The following SMAD2 variants were observed in gnomAD, a reference collection of about 807,000 sequenced individuals.
SMAD2 encodes MAD homolog 2.
SMAD2 carries 8 observed loss-of-function variants against 64.4 expected under a neutral mutation model. That is an observed-to-expected ratio of 0.12 (90% CI 0.07 to 0.22). The LOEUF (loss-of-function observed/expected upper bound fraction) is 0.22. Ranked by LOEUF, SMAD2 falls within the 10% of genes least tolerant of loss-of-function variation. The probability of loss-of-function intolerance (pLI) is 1.00; values close to 1 mark genes in which losing one functional copy is unlikely to be tolerated. For missense variants in SMAD2, 289 were observed against 561.2 expected, an observed-to-expected ratio of 0.51 and a Z score of 4.90; for synonymous variants, 203 against 195.8, an observed-to-expected ratio of 1.04 and a Z score of -0.31.
chr18:47,916,153 T>G (rs1257270748), intron 1 of SMAD2, among the ~76,000 whole-genome samples: 2 of 152,208 alleles, frequency 1.3e-5, no homozygotes, highest in African/African-American at 2.4e-5. Flanking sequence ...GAGTAAATAC[T>G]AACATTTTAC....
chr18:47,916,066 C>T (rs1482857026), intron 1 of SMAD2, among the ~76,000 whole-genome samples: 1 of 152,196 alleles, frequency 6.6e-6, no homozygotes, highest in African/African-American at 2.4e-5. Context: ...TGATGAATTT[C>T]ATTTACGAGT....
At chr18:47,915,360 A>G (rs1467529365) in intron 1 of SMAD2, among the ~76,000 whole-genome samples, 4 of 152,210 alleles carry the variant, frequency 2.6e-5, no homozygotes, top group African/African-American at 4.8e-5. Flanking sequence ...TGATACATAC[A>G]TAATCCTAAA....
chr18:47,879,495 CGTGT>C lies in SMAD2; in HGVS notation c.237-8935_237-8932del, dbSNP rs58440360. Among the ~76,000 whole-genome samples, 863 of 141,418 alleles carry C rather than the reference CGTGT, an allele frequency of 6.1e-3. 6 individuals carry two copies. Among genetic ancestry groups the C allele is most frequent in the Middle Eastern group, 0.017 (5 of 288 alleles). The allele number at this position is 141,418 out of a possible 152,430, so 92.8% of individuals were successfully genotyped here. A position where few individuals can be genotyped will look rare whatever the true frequency, so the allele number is the denominator to read the frequency against. Reference sequence around the variant, plus strand: ...GATTCATCCATGTTAATGTATATGACGTGTGTGTGTGTGTGTGTGTGTGTGTGTG... The same window carrying C: ...GATTCATCCATGTTAATGTATATGACGTGTGTGTGTGTGTGTGTGTGTGTG... On this transcript the variant is annotated intron_variant, in intron 2 of 10. Transcript: ENST00000262160.
chr18:47,846,212 ATCAAAAAG>A (rs1914475094), intron 8 of SMAD2, among the ~76,000 whole-genome samples: 1 of 152,190 alleles, frequency 6.6e-6, no homozygotes, highest in Non-Finnish European at 1.5e-5. Context: ...ATGTAAAAAC[ATCAAAAAG>A]TCATTTGCCA....
In SMAD2 at chr18:47,860,027, C is replaced by G. The variant is rs563727080; in HGVS notation, c.730+5032G>C. ...GCATGTACCTGTGGTCCCAGCTTCT[C>G]GAGAGGCTAAAGTGGGGAAGATTGC... On this transcript the variant is annotated intron_variant, in intron 6 of 10. Transcript: ENST00000262160. 1.4e-4 allele frequency among the ~76,000 whole-genome samples: 22 copies of G among 152,124 alleles called. No homozygotes were observed. The South Asian group carries it at 3.3e-3, about 23-fold the overall frequency.
intron 2 of SMAD2, among the ~76,000 whole-genome samples, chr18:47,893,104 T>C (rs911129313): frequency 6.6e-6 from 1 of 152,200 alleles, no homozygotes; most frequent in African/African-American, 2.4e-5. Context: ...CTCAAAAATG[T>C]TTGAGATGAA....
intron 2 of SMAD2, among the ~76,000 whole-genome samples, chr18:47,888,172 A>G (rs559359730): frequency 2.0e-5 from 3 of 152,230 alleles, no homozygotes; most frequent in East Asian, 3.9e-4. Context: ...CAGCAGTCCA[A>G]TGTTCTTACT....
At chr18:47,869,510 A>G in intron 3 of SMAD2, 74 bp from the exon 4 acceptor site, 1 of 982,762 alleles carries the variant, frequency 1.0e-6, no homozygotes, top group Non-Finnish European at 1.5e-6. Flanking sequence ...CAAATGGGCT[A>G]AATTAGTACA....
chr18:47,915,851 T>C (rs894824794), intron 1 of SMAD2, among the ~76,000 whole-genome samples: 13 of 152,190 alleles, frequency 8.5e-5, no homozygotes, highest in Non-Finnish European at 1.3e-4. Context: ...TGACTTCTAT[T>C]ACTATTAATT....
chr18:47,822,678 ATTCAT>A lies in SMAD2; in HGVS notation c.*19144_*19148del, dbSNP rs1379247238. ...CTCCAATTTGGAAACTATTTTGAGTATTCATTTGTTTTTGTTTTTGAGACGGAGTC... is the reference window on the plus strand; with the variant it reads ...CTCCAATTTGGAAACTATTTTGAGTATTGTTTTTGTTTTTGAGACGGAGTC... On this transcript the variant is annotated 3_prime_UTR_variant, in exon 11 of 11. Transcript: ENST00000262160. The A allele has an allele frequency of 2.6e-5, 4 of 152,112 alleles. No homozygotes were observed. The highest frequency in any genetic ancestry group is 9.7e-5 in the African/African-American group (4 of 41,438). The allele number at this position is 152,112 out of a possible 1,614,324, so 9.4% of individuals were successfully genotyped here.
At chr18:47,856,772 T>C (rs1443647066) in intron 6 of SMAD2, among the ~76,000 whole-genome samples, 1 of 152,210 alleles carries the variant, frequency 6.6e-6, no homozygotes, top group Non-Finnish European at 1.5e-5. Flanking sequence ...CTGGTAAAAG[T>C]TGAACCTTTT....
chr18:47,844,092 A>C (rs1307867399), intron 10 of SMAD2, among the ~76,000 whole-genome samples: 2 of 152,208 alleles, frequency 1.3e-5, no homozygotes, highest in Non-Finnish European at 2.9e-5. Context: ...ACATCTCAAA[A>C]GGGTAATAAT....
intron 1 of SMAD2, among the ~76,000 whole-genome samples, chr18:47,916,046 T>C (rs1298160692): frequency 2.0e-5 from 3 of 152,242 alleles, no homozygotes; most frequent in African/African-American, 7.2e-5. Context: ...TCTCCTTTAA[T>C]GTGTTAACAT....
chr18:47,887,926 C>T (rs962547000), intron 2 of SMAD2, among the ~76,000 whole-genome samples: 7 of 152,162 alleles, frequency 4.6e-5, no homozygotes, highest in Admixed American at 2.6e-4. Context: ...CTTGAACTCA[C>T]GATCTTTATA....
rs1025868969 is a variant in SMAD2, at chr18:47,815,684, A to G, written c.*26143T>C. On this transcript the variant is annotated 3_prime_UTR_variant, in exon 11 of 11. Transcript: ENST00000262160. ...CAGCAAATGGAGGGGTGATTTAGTA[A>G]GGAGGGGGTGAAACCGAAAATCAAC... The G allele has an allele frequency of 1.3e-5, 2 of 152,282 alleles. No homozygotes were observed. Among genetic ancestry groups the G allele is most frequent in the Non-Finnish European group, 2.9e-5 (2 of 68,072 alleles). 9.4% of individuals were successfully genotyped at this position (152,282 alleles called of 1,614,324 possible).
rs1290428945 is a variant in SMAD2, at chr18:47,823,954, T to TA, written c.*17872dup. The TA allele has an allele frequency of 6.6e-6, 1 of 152,196 alleles. No homozygotes were observed. Among genetic ancestry groups the TA allele is most frequent in the East Asian group, 1.9e-4 (1 of 5,204 alleles). The allele number at this position is 152,196 out of a possible 1,614,324, so 9.4% of individuals were successfully genotyped here. On this transcript the variant is annotated 3_prime_UTR_variant, in exon 11 of 11. Coordinates refer to ENST00000262160, the MANE Select transcript of SMAD2 (RefSeq NM_005901.6). Reference sequence around the variant, plus strand: ...AAGGAAAAAAAATTGGACTTAATAATAGACTCCAGGTGGACTTAGCCTAAG... The same window carrying TA: ...AAGGAAAAAAAATTGGACTTAATAATAAGACTCCAGGTGGACTTAGCCTAAG...
At chr18:47,901,623 T>G (rs900711381) in intron 1 of SMAD2, among the ~76,000 whole-genome samples, 1 of 152,172 alleles carries the variant, frequency 6.6e-6, no homozygotes. Flanking sequence ...TTATTCATCC[T>G]TCACTTAACA....
At chr18:47,903,188 G>T (rs371117376) in intron 1 of SMAD2, among the ~76,000 whole-genome samples, 1 of 152,290 alleles carries the variant, frequency 6.6e-6, no homozygotes, top group South Asian at 2.1e-4. Flanking sequence ...AAGGGCTGCG[G>T]TAGGACAGGA....
chr18:47,883,769 T>TA (rs2032742720), intron 2 of SMAD2, among the ~76,000 whole-genome samples: 1 of 152,228 alleles, frequency 6.6e-6, no homozygotes, highest in Non-Finnish European at 1.5e-5. Context: ...CCAGCTGCTT[T>TA]AAGATTCCCT....
Sources: gnomAD v4.1 joint callset for allele counts (sites outside exome capture counted in the v4.1 genomes callset) on GRCh38, gnomAD v4.1.1 for gene constraint, MANE v1.5 for transcripts, NCBI Gene and HGNC (gene_info 2026-07-23, HGNC 2026-07-21) for gene names.